ARHGEF1: variants seen among roughly 807,000 people sequenced by gnomAD.
ARHGEF1 encodes 115 kDa guanine nucleotide exchange factor.
ARHGEF1 carries 40 observed loss-of-function variants against 119.7 expected under a neutral mutation model. That is an observed-to-expected ratio of 0.33 (90% CI 0.26 to 0.44). The LOEUF (loss-of-function observed/expected upper bound fraction) is 0.44, where lower values mean the gene tolerates loss of function less well. Ranked by LOEUF, ARHGEF1 falls within the 20% of genes least tolerant of loss-of-function variation. The probability of loss-of-function intolerance (pLI) is 1.00; values close to 1 mark genes in which losing one functional copy is unlikely to be tolerated. For missense variants in ARHGEF1, 976 were observed against 1,268.3 expected (o/e 0.77, Z 3.50); for synonymous variants, 494 against 521.0 (o/e 0.95, Z 0.71).
chr19:41,911,746 C>T (rs1568830119), downstream of ARHGEF1, among the ~76,000 whole-genome samples: 1 of 152,142 alleles, frequency 6.6e-6, no homozygotes, highest in East Asian at 1.9e-4. Flanking sequence ...ACCCACAGGA[C>T]CCCAAGGTGA....
At position 41,903,881 on chromosome 19, in the gene ARHGEF1, C is replaced by A; in HGVS notation, c.1917+97C>A. 1 of 1,423,250 alleles carries A rather than the reference C, an allele frequency of 7.0e-7. No homozygotes were observed. Among genetic ancestry groups the A allele is most frequent in the Non-Finnish European group, 9.8e-7 (1 of 1,016,030 alleles). The allele number at this position is 1,423,250 out of a possible 1,614,324, so 88.2% of individuals were successfully genotyped here. On this transcript the variant is annotated intron_variant, in intron 20 of 28. Transcript: ENST00000354532. This position sits in a 1 kb window ranked among gnomAD's most constrained non-coding sequence, Gnocchi z 4.2. ...AGCCTGTCCTGCCCATCCCATAATA[C>A]ACCCAGGAAGCGAGAGCTCTGTCCC...
rs1205776761 is a variant in ARHGEF1 at position 41,924,244 on chromosome 19, G to A, written c.140+1011G>A. On this transcript the variant is annotated intron_variant, in intron 1 of 2. Transcript: ENST00000594417. ...GGAGGAGGTCACCTGAGGGGCAGAT[G>A]AGGGAGGTAAGGACACCTGGATGGC... is the stretch of plus-strand genomic sequence containing the variant. Among the ~76,000 whole-genome samples, 3 of 152,002 alleles carry A rather than the reference G, an allele frequency of 2.0e-5. No homozygotes were observed. In the East Asian group the frequency reaches 5.8e-4, roughly 29 times the overall value.
At position 41,903,991 on chromosome 19, in the gene ARHGEF1, A is replaced by G; in HGVS notation, c.1918-44A>G. The stretch of plus-strand genomic sequence containing the variant: ...CTTCCCCTCCCCACCAACCCCAATC[A>G]CCCCCTGCCAACCTGCACAAACCAT... On this transcript the variant is annotated intron_variant, in intron 20 of 28. Coordinates refer to ENST00000354532, the MANE Select transcript of ARHGEF1 (RefSeq NM_004706.4). The surrounding 1 kb of genome is among the most constrained non-coding windows in gnomAD (Gnocchi z 4.2). 14 of 1,539,844 alleles carry G rather than the reference A, an allele frequency of 9.1e-6. No homozygotes were observed. Among genetic ancestry groups the G allele is most frequent in the Non-Finnish European group, 1.2e-5 (14 of 1,125,244 alleles).
intron 1 of ARHGEF1, among the ~76,000 whole-genome samples, chr19:41,926,402 A>T (rs913736595): frequency 2.0e-5 from 3 of 151,988 alleles, no homozygotes; most frequent in Admixed American, 1.3e-4. Flanking sequence ...AGATTTGGGG[A>T]GTTGAAGGGG....
At chr19:41,901,549 C>T (rs1401122472) in intron 14 of ARHGEF1, among the ~76,000 whole-genome samples, 1 of 152,168 alleles carries the variant, frequency 6.6e-6, no homozygotes, top group Non-Finnish European at 1.5e-5. Flanking sequence ...TCAAGGGATC[C>T]TCCCACTTGA....
At chr19:41,927,600 C>G (rs2074879186) in intron 1 of ARHGEF1, among the ~76,000 whole-genome samples, 1 of 152,070 alleles carries the variant, frequency 6.6e-6, no homozygotes, top group Non-Finnish European at 1.5e-5. Flanking sequence ...CTTTGAGCCC[C>G]TAGGTCCCAA....
In ARHGEF1 at chr19:41,905,149, C is replaced by G. The variant is rs782189960; in HGVS notation, c.2250-26C>G. 1 of 1,613,244 alleles carries G rather than the reference C, an allele frequency of 6.2e-7. No individual in the cohort carries two copies. Among genetic ancestry groups the G allele is most frequent in the Admixed American group, 1.7e-5 (1 of 59,988 alleles). ...GCATAGGGTCTGGGGGCTCTGACTG[C>G]CCAGGGATTTGGCCTTTCTCCCCAG... On this transcript the variant is annotated intron_variant, in intron 23 of 28. Transcript: ENST00000354532. This position sits in a 1 kb window ranked among gnomAD's most constrained non-coding sequence, Gnocchi z 6.4.
At position 41,907,237 on chromosome 19, in the gene ARHGEF1, C is replaced by A. The variant is rs901641133; in HGVS notation, c.*150C>A. On this transcript the variant is annotated 3_prime_UTR_variant, in exon 29 of 29. Transcript: ENST00000354532. ...TGGGCCACGCCTGGGAGGGGCCCAGCTGGGGTTACTGGCCCCGCATGAGCC... is the reference window on the plus strand; with the variant it reads ...TGGGCCACGCCTGGGAGGGGCCCAGATGGGGTTACTGGCCCCGCATGAGCC... The A allele has an allele frequency of 6.6e-7, 1 of 1,519,960 alleles. No homozygotes were observed. The highest frequency in any genetic ancestry group is 1.4e-5 in the African/African-American group (1 of 72,484). The allele number at this position is 1,519,960 out of a possible 1,614,324, so 94.2% of individuals were successfully genotyped here.
chr19:41,922,590 C>T (rs547478726), upstream of ARHGEF1, among the ~76,000 whole-genome samples: 3 of 151,476 alleles, frequency 2.0e-5, no homozygotes, highest in Admixed American at 6.6e-5. Context: ...AACTGGGAAC[C>T]GGAGAGAGAC....
intron 18 of ARHGEF1, among the ~76,000 whole-genome samples, chr19:41,918,091 C>T (rs2074812928): frequency 6.6e-6 from 1 of 151,956 alleles, no homozygotes; most frequent in Non-Finnish European, 1.5e-5. Context: ...TGGGCATGCC[C>T]CCCCATCCCG....
chr19:41,918,268 C>T (rs1438070532), upstream of ARHGEF1, among the ~76,000 whole-genome samples: 1 of 151,540 alleles, frequency 6.6e-6, no homozygotes, highest in Admixed American at 6.6e-5. Context: ...CACACCCCCA[C>T]CACACACATA....
chr19:41,890,141 C>T (rs2074352617), intron 4 of ARHGEF1: 1 of 152,124 alleles, frequency 6.6e-6, no homozygotes, highest in Admixed American at 6.6e-5. Flanking sequence ...TAGAATTTTG[C>T]TATATTTGGG....
In ARHGEF1 at chr19:41,895,221, C is replaced by T. The variant is rs562920318; in HGVS notation, c.878-128C>T. On this transcript the variant is annotated intron_variant, in intron 11 of 28. Coordinates refer to ENST00000354532, the MANE Select transcript of ARHGEF1 (RefSeq NM_004706.4). ...GAGGAGGGGTTGAGGGCTCCTGGGTCTGAGGGAGGAAGGGGCTCCTTGTCA... is the reference window on the plus strand; with the variant it reads ...GAGGAGGGGTTGAGGGCTCCTGGGTTTGAGGGAGGAAGGGGCTCCTTGTCA... The T allele has an allele frequency of 3.9e-5, 50 of 1,271,796 alleles. No homozygotes were observed. The East Asian group carries it at 6.9e-4, about 17-fold the overall frequency. The allele number at this position is 1,271,796 out of a possible 1,614,324, so 78.8% of individuals were successfully genotyped here. A position where few individuals can be genotyped will look rare whatever the true frequency, so the allele number is the denominator to read the frequency against.
intron 1 of ARHGEF1, chr19:41,884,645 C>G (rs1450771438): frequency 1.8e-6 from 2 of 1,087,660 alleles, no homozygotes; most frequent in Admixed American, 4.6e-5. Flanking sequence ...CGTGTAGACC[C>G]GCCTCATTCC....
At chr19:41,886,167 T>C (rs2074291103) in intron 1 of ARHGEF1, among the ~76,000 whole-genome samples, 1 of 152,192 alleles carries the variant, frequency 6.6e-6, no homozygotes, top group Non-Finnish European at 1.5e-5. Context: ...AGAATAATAA[T>C]GATCTCTTGG....
chr19:41,892,222 C>T lies in ARHGEF1; in HGVS notation c.324+99C>T, dbSNP rs370401708. 1,737 of 1,562,974 alleles carry T rather than the reference C, an allele frequency of 1.1e-3. 35 individuals carry two copies. In the South Asian group the frequency reaches 0.017, roughly 15 times the overall value. ...CTCTGCCCTGAGGGCAGCTGCTGAC[C>T]CAGGCCTTCCCCAGCACCCTCGCTT... On this transcript the variant is annotated intron_variant, in intron 5 of 28. Transcript: ENST00000354532. The surrounding 1 kb of genome is among the most constrained non-coding windows in gnomAD (Gnocchi z 6.3).
At chr19:41,898,659 C>T (rs1555848499) in intron 14 of ARHGEF1, 72 bp downstream of exon 14, 5 of 1,478,174 alleles carry the variant, frequency 3.4e-6, no homozygotes, top group East Asian at 2.5e-5. Flanking sequence ...AAGACAGGCG[C>T]AGAGAGATGT....
At position 41,892,447 on chromosome 19, in the gene ARHGEF1, G is replaced by T; in HGVS notation, c.367+74G>T. The T allele has an allele frequency of 6.2e-7, 1 of 1,606,140 alleles. No homozygotes were observed. On this transcript the variant is annotated intron_variant, in intron 6 of 28. Transcript: ENST00000354532. This position sits in a 1 kb window ranked among gnomAD's most constrained non-coding sequence, Gnocchi z 6.3. ...CTCCCAGGAGGCCAAGGGGAGGGAGGCCGCACTCCCATGCTCTGCTCGGAC... is the reference window on the plus strand; with the variant it reads ...CTCCCAGGAGGCCAAGGGGAGGGAGTCCGCACTCCCATGCTCTGCTCGGAC...
At chr19:41,913,540 C>T (rs1210499953) in intron 18 of ARHGEF1, among the ~76,000 whole-genome samples, 1 of 151,748 alleles carries the variant, frequency 6.6e-6, no homozygotes, top group Non-Finnish European at 1.5e-5. Context: ...ACCCCCTCCT[C>T]CAGTCCTCTA....
Sources: gnomAD v4.1 joint callset for allele counts (sites outside exome capture counted in the v4.1 genomes callset) on GRCh38, gnomAD v4.1.1 for gene constraint, Gnocchi (gnomAD v3.1) non-coding constraint, MANE v1.5 for transcripts, NCBI Gene and HGNC (gene_info 2026-07-23, HGNC 2026-07-21) for gene names.